The following FHAD1 variants were observed in gnomAD, a reference collection of about 807,000 sequenced individuals.
FHAD1 encodes forkhead associated phosphopeptide binding domain 1, also known as forkhead-associated domain-containing protein 1.
FHAD1 carries 146 observed loss-of-function variants against 191.3 expected under a neutral mutation model. The ratio of observed to expected loss-of-function variants is 0.76; its 90% CI spans 0.67 to 0.88. The LOEUF is 0.88. Among genes scored for constraint, FHAD1 ranks in the 40% least tolerant of loss-of-function variants. The probability of loss-of-function intolerance (pLI) is 0.00; values close to 1 mark genes in which losing one functional copy is unlikely to be tolerated. For missense variants in FHAD1, 1,635 were observed against 1,785.8 expected (o/e 0.92, Z 1.52); for synonymous variants, 616 against 672.3 (o/e 0.92, Z 1.29).
At chr1:15,348,993 T>TC (rs1306956975) in intron 18 of FHAD1, 49 bp from the exon 19 acceptor site, 3 of 1,102,270 alleles carry the variant, frequency 2.7e-6, no homozygotes, top group South Asian at 1.4e-5. Context: ...ACTAGCAATT[T>TC]CCCCCCTAAA....
At position 15,341,786 on chromosome 1, in the gene FHAD1, G is replaced by A. The variant is rs755014938; in HGVS notation, c.2028G>A (p.Lys676=). The change falls in exon 16 of 34, where the codon AAG becomes AAA. Residue 676 remains lysine (K), a synonymous_variant. Transcript: ENST00000688493. ...CTCAGCAGTCTTTACTGCAGGAAAA[G>A]CTGCGGGAGCATCTGGCAGAGAAGG... is the stretch of plus-strand genomic sequence containing the variant. ...QETQQSLLQE[K]LREHLAEKEK... 7.1e-6 allele frequency: 11 copies of A among 1,551,766 alleles called. No homozygotes were observed. The South Asian group carries it at 1.2e-4, about 17-fold the overall frequency.
At chr1:15,241,225 A>G (rs1573526787) in intron 1 of FHAD1, among the ~76,000 whole-genome samples, 1 of 152,364 alleles carries the variant, frequency 6.6e-6, no homozygotes, top group East Asian at 1.9e-4. Flanking sequence ...AGCAATGAGA[A>G]TGAATGAACC....
At position 15,360,594 on chromosome 1, in the gene FHAD1, CA is replaced by C; in HGVS notation, c.2856del (p.Lys952AsnfsTer8). On this transcript the variant is annotated frameshift_variant, in exon 22 of 34. Coordinates refer to ENST00000688493, the MANE Select transcript of FHAD1 (RefSeq NM_001391957.1). LOFTEE classifies it high-confidence loss of function. ...AGATCATGGAATATAAGGAGCAAATCAAACAGCACGCCCAGACAATTGTGAG... is the reference window on the plus strand; with the variant it reads ...AGATCATGGAATATAAGGAGCAAATCAACAGCACGCCCAGACAATTGTGAG... The part of the protein sequence containing the change: ...EEIMEYKEQI[K>X]QHAQTIVSLE... 6.4e-7 allele frequency: 1 copy of C among 1,552,106 alleles called. No individual in the cohort carries two copies. The highest frequency in any genetic ancestry group is 8.7e-7 in the Non-Finnish European group (1 of 1,147,078).
chr1:15,369,372 C>A lies in FHAD1; in HGVS notation c.3317C>A (p.Ala1106Asp). The change falls in exon 26 of 34, where the codon GCT (alanine) becomes GAT (aspartate). Residue 1106 changes from alanine to aspartate, a missense_variant and splice_region_variant. Physicochemically the swap from Ala to Asp is moderately radical, Grantham distance 126 (BLOSUM62 -2). Transcript: ENST00000688493. ...ELKALEEALR[A>D]SQEKHRLQLN... The stretch of plus-strand genomic sequence containing the variant: ...CATCCTCCTCTTCTCTACCCTAGGG[C>A]TTCCCAAGAGAAACACAGACTCCAG... 1 of 1,552,068 alleles carries A rather than the reference C, an allele frequency of 6.4e-7. No homozygotes were observed. Among genetic ancestry groups the A allele is most frequent in the Non-Finnish European group, 8.7e-7 (1 of 1,147,060 alleles).
intron 15 of FHAD1, among the ~76,000 whole-genome samples, chr1:15,340,496 G>A (rs930946357): frequency 6.6e-6 from 1 of 152,126 alleles, no homozygotes; most frequent in Non-Finnish European, 1.5e-5. Flanking sequence ...GCAAGCCTAG[G>A]CTGTTCTCAT....
At position 15,389,636 on chromosome 1, in the gene FHAD1, C is replaced by T. The variant is rs1253147809; in HGVS notation, c.4269+1505C>T. 7.2e-5 allele frequency among the ~76,000 whole-genome samples: 11 copies of T among 151,988 alleles called. No homozygotes were observed. The South Asian group carries it at 1.0e-3, about 14-fold the overall frequency. ...GCAACTGTCAGCTAAATACAGGCCA[C>T]GATTCTTCGCAGACTGTTGCTTTGG... is the stretch of plus-strand genomic sequence containing the variant. On this transcript the variant is annotated intron_variant, in intron 32 of 33. Transcript: ENST00000688493.
chr1:15,397,001 G>A (rs1237033322), intron 33 of FHAD1, among the ~76,000 whole-genome samples: 4 of 145,384 alleles, frequency 2.8e-5, no homozygotes, highest in East Asian at 2.0e-4. Flanking sequence ...TGGCTAACAC[G>A]GTGAAACCCC....
At chr1:15,362,491 G>T in intron 22 of FHAD1, 151 bp from the exon 23 acceptor site, 2 of 662,466 alleles carry the variant, frequency 3.0e-6, no homozygotes, top group Non-Finnish European at 5.5e-6. Context: ...AGAGCCCCCA[G>T]CCTGTGACAT....
intron 2 of FHAD1, among the ~76,000 whole-genome samples, chr1:15,254,162 G>A (rs923721331): frequency 6.6e-6 from 1 of 152,040 alleles, no homozygotes. Context: ...CATAACAAGG[G>A]GTAGATTTAA....
At chr1:15,293,180 G>C (rs1346571085) in intron 4 of FHAD1, among the ~76,000 whole-genome samples, 1 of 152,102 alleles carries the variant, frequency 6.6e-6, no homozygotes, top group Admixed American at 6.5e-5. Flanking sequence ...ATACACTTGT[G>C]TAACCCAAAC....
intron 20 of FHAD1, among the ~76,000 whole-genome samples, chr1:15,353,524 G>C (rs1691586282): frequency 6.6e-6 from 1 of 151,916 alleles, no homozygotes; most frequent in Admixed American, 6.6e-5. Flanking sequence ...GGCCAAAATG[G>C]TGAAACCCCA....
chr1:15,237,382 T>C (rs1644896090), intron 1 of FHAD1, among the ~76,000 whole-genome samples: 1 of 152,158 alleles, frequency 6.6e-6, no homozygotes, highest in African/African-American at 2.4e-5. Flanking sequence ...TTCCCACTGC[T>C]CCTTCCTCCT....
intron 26 of FHAD1, among the ~76,000 whole-genome samples, chr1:15,373,889 CA>C (rs1022046817): frequency 2.0e-5 from 3 of 151,942 alleles, no homozygotes; most frequent in African/African-American, 4.8e-5. Flanking sequence ...CACACACGCA[CA>C]AAAAAAACCC....
chr1:15,243,650 C>T (rs1050244525), upstream of FHAD1, among the ~76,000 whole-genome samples: 5 of 152,234 alleles, frequency 3.3e-5, 1 homozygote, highest in Middle Eastern at 6.3e-3. Context: ...AGAAGTTCTG[C>T]AGGAACGAAG....
intron 1 of FHAD1, among the ~76,000 whole-genome samples, chr1:15,239,729 C>T (rs530170767): frequency 6.6e-6 from 1 of 152,334 alleles, no homozygotes; most frequent in African/African-American, 2.4e-5. Context: ...GGTTTAGGAC[C>T]TCCTGTTCCA....
intron 15 of FHAD1, among the ~76,000 whole-genome samples, 169 bp downstream of exon 15, chr1:15,339,720 T>C (rs1166695449): frequency 1.3e-5 from 2 of 152,228 alleles, no homozygotes; most frequent in Non-Finnish European, 2.9e-5. Flanking sequence ...CAGAAAAGGT[T>C]GGCTAAGATC....
chr1:15,273,368 A>G (rs1656946215), intron 3 of FHAD1, among the ~76,000 whole-genome samples: 1 of 152,098 alleles, frequency 6.6e-6, no homozygotes, highest in South Asian at 2.1e-4. Flanking sequence ...CATACAGTAA[A>G]ACTGTACATG....
At chr1:15,339,441 G>A (rs755066940) in intron 14 of FHAD1, 40 bp from the exon 15 acceptor site, 1 of 1,021,868 alleles carries the variant, frequency 9.8e-7, no homozygotes, top group Non-Finnish European at 1.3e-6. Flanking sequence ...CTTTGGAGTT[G>A]AATTGATACT....
intron 3 of FHAD1, among the ~76,000 whole-genome samples, chr1:15,284,089 C>G (rs1207423076): frequency 6.6e-6 from 1 of 152,098 alleles, no homozygotes; most frequent in Non-Finnish European, 1.5e-5. Context: ...TCCCCTACCC[C>G]AGAGTTATTC....
Sources: allele counts gnomAD v4.1 joint callset (sites outside exome capture counted in the v4.1 genomes callset), GRCh38; gene constraint gnomAD v4.1.1; transcripts MANE v1.5; gene names NCBI Gene and HGNC (gene_info 2026-07-23, HGNC 2026-07-21).